GRIN2A: variants seen among roughly 807,000 people sequenced by gnomAD.
The protein encoded by GRIN2A is glutamate receptor ionotropic, NMDA 2A.
GRIN2A carries 22 observed loss-of-function variants against 113.4 expected under a neutral mutation model. The ratio of observed to expected loss-of-function variants is 0.19; its 90% CI spans 0.14 to 0.28. GRIN2A has a LOEUF of 0.28. Ranked by LOEUF, GRIN2A falls within the 10% of genes least tolerant of loss-of-function variation. The pLI is 1.00. For missense variants in GRIN2A, 1,502 were observed against 1,887.0 expected (o/e 0.80, Z 3.78); for synonymous variants, 827 against 738.4 (o/e 1.12, Z -1.94).
intron 2 of GRIN2A, among the ~76,000 whole-genome samples, chr16:9,951,147 A>G (rs1003066504): frequency 6.6e-6 from 1 of 152,008 alleles, no homozygotes; most frequent in Non-Finnish European, 1.5e-5. Flanking sequence ...TGCTTCCTCC[A>G]TCACCAGCTT....
At position 9,841,183 on chromosome 16, in the gene GRIN2A, A is replaced by G. The variant is rs1368955035; in HGVS notation, c.1329-79T>C. 108 of 1,223,820 alleles carry G rather than the reference A, an allele frequency of 8.8e-5. 1 individual carries two copies. Among genetic ancestry groups the G allele is most frequent in the Non-Finnish European group, 1.2e-4 (99 of 828,636 alleles). 75.8% of individuals were successfully genotyped at this position (1,223,820 alleles called of 1,614,324 possible). A position where few individuals can be genotyped will look rare whatever the true frequency, so the allele number is the denominator to read the frequency against. ...CAATCATTAGCTGTACTCTTCTCCTATTTTTCAGATGAGTAAACTGAAGTT... is the reference window on the plus strand; with the variant it reads ...CAATCATTAGCTGTACTCTTCTCCTGTTTTTCAGATGAGTAAACTGAAGTT... On this transcript the variant is annotated intron_variant, in intron 5 of 12. Transcript: ENST00000330684.
intron 2 of GRIN2A, among the ~76,000 whole-genome samples, chr16:10,095,775 G>A (rs1330835528): frequency 6.6e-6 from 1 of 152,064 alleles, no homozygotes; most frequent in African/African-American, 2.4e-5. Flanking sequence ...TAACCACGGA[G>A]TCAAAATTAA....
chr16:10,121,704 T>C (rs2048837144), intron 2 of GRIN2A: 1 of 152,190 alleles, frequency 6.6e-6, no homozygotes, highest in African/African-American at 2.4e-5. Flanking sequence ...GCTTCTTTCA[T>C]TGCACAGGAA....
intron 2 of GRIN2A, among the ~76,000 whole-genome samples, chr16:10,052,946 G>T (rs1049539666): frequency 6.6e-6 from 1 of 151,954 alleles, no homozygotes; most frequent in Non-Finnish European, 1.5e-5. Context: ...TACTCTGGAG[G>T]CTGAGGCAGG....
At chr16:10,055,194 G>A (rs184847602) in intron 2 of GRIN2A, among the ~76,000 whole-genome samples, 1 of 150,418 alleles carries the variant, frequency 6.6e-6, no homozygotes, top group Non-Finnish European at 1.5e-5. Context: ...CCCTAGGTTT[G>A]CATGTACATA....
At chr16:9,966,136 A>G (rs1316954722) in intron 2 of GRIN2A, among the ~76,000 whole-genome samples, 1 of 152,178 alleles carries the variant, frequency 6.6e-6, no homozygotes, top group East Asian at 1.9e-4. Context: ...TTTACTTTTA[A>G]GTTCAAGGAT....
chr16:9,841,170 G>T, intron 5 of GRIN2A, 66 bp from the exon 6 acceptor site: 7 of 1,321,724 alleles, frequency 5.3e-6, no homozygotes, highest in Non-Finnish European at 7.6e-6. Context: ...ATCATTAGCT[G>T]TACTCTTCTC....
chr16:9,892,012 T>C (rs569187372), intron 3 of GRIN2A, among the ~76,000 whole-genome samples: 1 of 152,250 alleles, frequency 6.6e-6, no homozygotes, highest in East Asian at 1.9e-4. Context: ...GGGAATCACC[T>C]GAAGTCAGGA....
intron 2 of GRIN2A, among the ~76,000 whole-genome samples, chr16:10,079,260 G>A (rs1375220287): frequency 6.6e-6 from 1 of 152,198 alleles, no homozygotes; most frequent in Non-Finnish European, 1.5e-5. Flanking sequence ...GTATGATAAA[G>A]GCTGTGAAAG....
chr16:9,972,050 A>C (rs536732076), intron 2 of GRIN2A, among the ~76,000 whole-genome samples: 1 of 152,280 alleles, frequency 6.6e-6, no homozygotes, highest in Non-Finnish European at 1.5e-5. Flanking sequence ...GGCCAGCAGA[A>C]TATAAAAACC....
intron 4 of GRIN2A, among the ~76,000 whole-genome samples, chr16:9,887,761 A>C (rs1596542040): frequency 3.9e-5 from 6 of 151,976 alleles, no homozygotes; most frequent in Admixed American, 3.3e-4. Context: ...AACAAAAAAA[A>C]CACACACACA....
chr16:10,101,830 G>T (rs12935686), intron 2 of GRIN2A, among the ~76,000 whole-genome samples: 1 of 152,052 alleles, frequency 6.6e-6, no homozygotes, highest in Non-Finnish European at 1.5e-5. Flanking sequence ...CTCTAGGAGG[G>T]AATGGTTATT....
chr16:10,057,946 C>T (rs1417849346), intron 2 of GRIN2A, among the ~76,000 whole-genome samples: 1 of 152,104 alleles, frequency 6.6e-6, no homozygotes, highest in Admixed American at 6.6e-5. Flanking sequence ...CAGAACAGAG[C>T]TGTCAAATAA....
chr16:9,883,643 C>T (rs1039913207), intron 4 of GRIN2A, among the ~76,000 whole-genome samples: 6 of 152,108 alleles, frequency 3.9e-5, no homozygotes, highest in East Asian at 1.9e-4. Flanking sequence ...GGGGTACGGG[C>T]GAATAAACAT....
intron 11 of GRIN2A, among the ~76,000 whole-genome samples, chr16:9,785,886 A>T (rs1280949740): frequency 1.3e-5 from 2 of 152,182 alleles, no homozygotes; most frequent in Non-Finnish European, 2.9e-5. Context: ...AGGAGTGTTT[A>T]ATCATTTTTA....
intron 3 of GRIN2A, among the ~76,000 whole-genome samples, chr16:9,915,716 G>C (rs909993607): frequency 2.6e-5 from 4 of 152,186 alleles, no homozygotes; most frequent in Admixed American, 1.3e-4. Flanking sequence ...TGACTCTGGA[G>C]TTAAATTATT....
chr16:9,850,772 T>C (rs973212802), intron 4 of GRIN2A, among the ~76,000 whole-genome samples: 3 of 152,174 alleles, frequency 2.0e-5, no homozygotes, highest in African/African-American at 7.2e-5. Flanking sequence ...CCTGTCAAAA[T>C]AGAATCGATT....
intron 2 of GRIN2A, among the ~76,000 whole-genome samples, chr16:10,043,493 C>T (rs1467725060): frequency 6.6e-6 from 1 of 152,150 alleles, no homozygotes; most frequent in South Asian, 2.1e-4. Flanking sequence ...TGATGCCTTC[C>T]AAAGCAGGAC....
At chr16:10,053,026 C>G (rs1219563014) in intron 2 of GRIN2A, among the ~76,000 whole-genome samples, 1 of 140,904 alleles carries the variant, frequency 7.1e-6, no homozygotes, top group Non-Finnish European at 1.5e-5. Flanking sequence ...CCAGCCTGGG[C>G]AACAGAGCAA....
Sources: gnomAD v4.1 joint callset for allele counts (sites outside exome capture counted in the v4.1 genomes callset) on GRCh38, gnomAD v4.1.1 for gene constraint, MANE v1.5 for transcripts, NCBI Gene and HGNC (gene_info 2026-07-23, HGNC 2026-07-21) for gene names.